Variants in NFKBIL1 observed in about 807,000 individuals in gnomAD.
NFKBIL1 encodes NF-kappa-B inhibitor-like protein 1.
Under a neutral mutation model 45.4 loss-of-function variants are expected in NFKBIL1, and 30 were observed. The observed-to-expected ratio is 0.66, with a 90% CI of 0.49 to 0.90. The LOEUF is 0.90. Ranked by LOEUF, NFKBIL1 falls within the 40% of genes least tolerant of loss-of-function variation. The pLI, the probability that NFKBIL1 is intolerant of heterozygous loss-of-function variation, is 0.00. For synonymous variants in NFKBIL1, 179 were observed against 197.3 expected, an observed-to-expected ratio of 0.91 and a Z score of 0.78; for missense variants, 434 against 513.4, an observed-to-expected ratio of 0.85 and a Z score of 1.49.
In NFKBIL1 at chr6:31,557,860, C is replaced by T; in HGVS notation, c.556+11C>T. 1 of 1,569,924 alleles carries T rather than the reference C, an allele frequency of 6.4e-7. No homozygotes were observed. The highest frequency in any genetic ancestry group is 8.7e-7 in the Non-Finnish European group (1 of 1,153,152). ...TGGGGAGGTTTGAAGGTGAGAAGTC[C>T]ACTGCTATCCACAGCTGCCCTTCCC... On this transcript the variant is annotated intron_variant, in intron 3 of 3. Transcript: ENST00000376148. The surrounding 1 kb of genome is among the most constrained non-coding windows in gnomAD (Gnocchi z 5.4).
chr6:31,551,698 G>A lies in NFKBIL1; in HGVS notation c.334+3259G>A, dbSNP rs534929374. Among the ~76,000 whole-genome samples, 13 of 152,010 alleles carry A rather than the reference G, an allele frequency of 8.6e-5. No individual in the cohort carries two copies. The South Asian group carries it at 1.2e-3, about 15-fold the overall frequency. ...TAACTTCTGCTTCCTGGGTTCAAGC[G>A]ATTCTCCTGCTTCAGCCTCCCAAGT... On this transcript the variant is annotated intron_variant, in intron 2 of 3. Transcript: ENST00000376148.
At chr6:31,554,371 C>T (rs1454600649) in intron 2 of NFKBIL1, among the ~76,000 whole-genome samples, 1 of 152,070 alleles carries the variant, frequency 6.6e-6, no homozygotes, top group Admixed American at 6.6e-5. Context: ...CAAGATCATG[C>T]CACCGCACTG....
intron 1 of NFKBIL1, 120 bp downstream of exon 1, chr6:31,547,871 G>C: frequency 1.1e-6 from 1 of 917,460 alleles, no homozygotes. Context: ...AAAGTTCTTT[G>C]TTAAAAATTA....
At chr6:31,555,235 CTT>C (rs9279346) in intron 2 of NFKBIL1, among the ~76,000 whole-genome samples, 6 of 125,186 alleles carry the variant, frequency 4.8e-5, no homozygotes, top group Non-Finnish European at 6.8e-5. Flanking sequence ...TATTTTTTTT[CTT>C]TTTTTTTTTT....
Position 31,558,429 on chromosome 6 carries a change from C to T in NFKBIL1, c.964C>T (p.Pro322Ser). Residue 322 changes from proline to serine, a missense_variant, in exon 4 of 4, where the codon CCC becomes TCC. Around this residue, in one of 4 missense-constraint regions of NFKBIL1, gnomAD observed 52 missense variants for 95.9 expected, o/e 0.54. Coordinates refer to ENST00000376148, the MANE Select transcript of NFKBIL1 (RefSeq NM_005007.4). The surrounding 1 kb of genome is among the most constrained non-coding windows in gnomAD (Gnocchi z 7.2). ...GGCTGCAGCCCTGGTGGCCAGGGGC[C>T]CCCCTTTGGAGGAACAGGGGGCTCT... Reference protein sequence around the residue: ...AMAAALVARGPPLEEQGALRR... With the variant: ...AMAAALVARGSPLEEQGALRR... The T allele has an allele frequency of 6.4e-7, 1 of 1,550,942 alleles. No homozygotes were observed. Among genetic ancestry groups the T allele is most frequent in the Non-Finnish European group, 8.7e-7 (1 of 1,147,126 alleles).
intron 2 of NFKBIL1, among the ~76,000 whole-genome samples, chr6:31,550,273 C>A (rs1397224918): frequency 6.6e-6 from 1 of 151,688 alleles, no homozygotes; most frequent in Non-Finnish European, 1.5e-5. Flanking sequence ...AAAGCTGAAA[C>A]CTTCTTTCCC....
At chr6:31,547,607 C>A, upstream of NFKBIL1, 1 of 886,458 alleles carries the variant, frequency 1.1e-6, no homozygotes, top group Non-Finnish European at 1.7e-6. Flanking sequence ...AGTGTCTCCG[C>A]CCTTCCCGCC....
chr6:31,548,019 C>A, intron 1 of NFKBIL1, 144 bp from the exon 2 acceptor site: 1 of 1,124,990 alleles, frequency 8.9e-7, no homozygotes, highest in Non-Finnish European at 1.2e-6. Flanking sequence ...GATAAAGGAT[C>A]AGGGTTAGGT....
chr6:31,554,166 G>A, intron 2 of NFKBIL1, among the ~76,000 whole-genome samples: 1 of 152,148 alleles, frequency 6.6e-6, no homozygotes, highest in Non-Finnish European at 1.5e-5. Context: ...CACACTTTGG[G>A]ATGCCAAGGT....
Position 31,557,908 on chromosome 6 carries a change from T to C in NFKBIL1, c.556+59T>C. The C allele has an allele frequency of 6.6e-7, 1 of 1,521,010 alleles. No homozygotes were observed. Among genetic ancestry groups the C allele is most frequent in the South Asian group, 1.3e-5 (1 of 79,820 alleles). 94.2% of individuals were successfully genotyped at this position (1,521,010 alleles called of 1,614,324 possible). A position where few individuals can be genotyped will look rare whatever the true frequency, so the allele number is the denominator to read the frequency against. ...CCCCACTGGCTGCTTTCCATCTGCA[T>C]GAATGCGTCACACTAGGCTCCTCTG... On this transcript the variant is annotated intron_variant, in intron 3 of 3. Transcript: ENST00000376148. This position sits in a 1 kb window ranked among gnomAD's most constrained non-coding sequence, Gnocchi z 5.4.
At position 31,557,534 on chromosome 6, in the gene NFKBIL1, C is replaced by A; in HGVS notation, c.335-94C>A. The A allele has an allele frequency of 9.8e-7, 1 of 1,021,812 alleles. No individual in the cohort carries two copies. Among genetic ancestry groups the A allele is most frequent in the Non-Finnish European group, 1.4e-6 (1 of 720,318 alleles). The allele number at this position is 1,021,812 out of a possible 1,614,324, so 63.3% of individuals were successfully genotyped here. A position where few individuals can be genotyped will look rare whatever the true frequency, so the allele number is the denominator to read the frequency against. On this transcript the variant is annotated intron_variant, in intron 2 of 3. Transcript: ENST00000376148. This position sits in a 1 kb window ranked among gnomAD's most constrained non-coding sequence, Gnocchi z 5.4. ...AGCCACCCTTCCATTGCTTTAAGAC[C>A]AAGGGAGCGAGTGACCAGCAGGATT...
Position 31,547,716 on chromosome 6 carries a change from G to C in NFKBIL1, c.22G>C (p.Val8Leu). ...TCTGATGAGTAACCCCTCCCCCCAGGTTCCAGAGGAAGAAGCCTCCACATC... is the reference window on the plus strand; with the variant it reads ...TCTGATGAGTAACCCCTCCCCCCAGCTTCCAGAGGAAGAAGCCTCCACATC... MSNPSPQ[V>L]PEEEASTSVC... The change falls in exon 1 of 4, where the codon GTT becomes CTT. Residue 8 changes from valine to leucine, a missense_variant. Around this residue, in one of 4 missense-constraint regions of NFKBIL1, gnomAD observed 231 missense variants for 264.1 expected, o/e 0.87. Coordinates refer to ENST00000376148, the MANE Select transcript of NFKBIL1 (RefSeq NM_005007.4). 1 of 1,612,288 alleles carries C rather than the reference G, an allele frequency of 6.2e-7. No homozygotes were observed. The highest frequency in any genetic ancestry group is 8.5e-7 in the Non-Finnish European group (1 of 1,179,560).
intron 2 of NFKBIL1, among the ~76,000 whole-genome samples, chr6:31,553,580 A>G (rs1426700512): frequency 6.6e-6 from 1 of 152,180 alleles, no homozygotes; most frequent in Non-Finnish European, 1.5e-5. Context: ...TTATACTACA[A>G]ACATGACAGT....
chr6:31,556,679 C>T (rs1348050198), intron 2 of NFKBIL1: 4 of 457,256 alleles, frequency 8.7e-6, no homozygotes, highest in South Asian at 6.2e-5. Flanking sequence ...ACACTCCACT[C>T]CCTTTCCCCT....
In NFKBIL1 at chr6:31,547,637, A is replaced by C; in HGVS notation, c.-58A>C. 7.5e-7 allele frequency: 1 copy of C among 1,326,268 alleles called. No homozygotes were observed. The highest frequency in any genetic ancestry group is 1.5e-5 in the African/African-American group (1 of 67,820). The allele number at this position is 1,326,268 out of a possible 1,614,324, so 82.2% of individuals were successfully genotyped here. On this transcript the variant is annotated 5_prime_UTR_variant, in exon 1 of 4. Transcript: ENST00000376148. ...CCCGCCTCCCGTCTCCGAGCTTCTT[A>C]AACACAGGCCTTGGGCCTACGGCTC... is the stretch of plus-strand genomic sequence containing the variant.
At chr6:31,553,097 A>C (rs1378349464) in intron 2 of NFKBIL1, among the ~76,000 whole-genome samples, 1 of 147,578 alleles carries the variant, frequency 6.8e-6, no homozygotes, top group Non-Finnish European at 1.5e-5. Flanking sequence ...GCTGGAGTGC[A>C]ATGGCGCAAT....
In NFKBIL1 at chr6:31,547,712, C is replaced by T. The variant is rs202169452; in HGVS notation, c.18C>T (p.Pro6=). MSNPS[P]QVPEEEASTS... ...CAGGTCTGATGAGTAACCCCTCCCC[C>T]CAGGTTCCAGAGGAAGAAGCCTCCA... The change falls in exon 1 of 4, where the codon CCC becomes CCT. Residue 6 remains proline (P), a synonymous_variant. Transcript: ENST00000376148. The T allele has an allele frequency of 1.5e-5, 24 of 1,612,286 alleles. No individual in the cohort carries two copies. Among genetic ancestry groups the T allele is most frequent in the Non-Finnish European group, 2.0e-5 (24 of 1,179,572 alleles).
chr6:31,553,408 C>T (rs1421251436), intron 2 of NFKBIL1, among the ~76,000 whole-genome samples: 1 of 152,090 alleles, frequency 6.6e-6, no homozygotes, highest in Admixed American at 6.6e-5. Context: ...TCCCACCTCA[C>T]ACCTAATCAA....
rs935723905 is a variant in NFKBIL1 at position 31,557,914 on chromosome 6, C to A, written c.556+65C>A. ...TGGCTGCTTTCCATCTGCATGAATGCGTCACACTAGGCTCCTCTGCCCCCT... is the reference window on the plus strand; with the variant it reads ...TGGCTGCTTTCCATCTGCATGAATGAGTCACACTAGGCTCCTCTGCCCCCT... On this transcript the variant is annotated intron_variant, in intron 3 of 3. Transcript: ENST00000376148. The surrounding 1 kb of genome is among the most constrained non-coding windows in gnomAD (Gnocchi z 5.4). 4.6e-6 allele frequency: 7 copies of A among 1,507,932 alleles called. No homozygotes were observed. Among genetic ancestry groups the A allele is most frequent in the Admixed American group, 2.0e-5 (1 of 50,900 alleles). The allele number at this position is 1,507,932 out of a possible 1,614,324, so 93.4% of individuals were successfully genotyped here. A position where few individuals can be genotyped will look rare whatever the true frequency, so the allele number is the denominator to read the frequency against.
Sources: allele counts gnomAD v4.1 joint callset (sites outside exome capture counted in the v4.1 genomes callset), GRCh38; gene constraint gnomAD v4.1.1; regional missense constraint gnomAD v4.1.1; non-coding constraint Gnocchi (gnomAD v3.1); transcripts MANE v1.5; gene names NCBI Gene and HGNC (gene_info 2026-07-23, HGNC 2026-07-21).